FBLN1: variants seen among roughly 807,000 people sequenced by gnomAD.
The protein encoded by FBLN1 is fibulin-1.
In FBLN1, 34 loss-of-function variants were observed where a neutral mutation model predicts 89.7. The observed-to-expected ratio is 0.38, with a 90% CI of 0.29 to 0.50. The LOEUF (loss-of-function observed/expected upper bound fraction) is 0.50, where lower values mean the gene tolerates loss of function less well. Among genes scored for constraint, FBLN1 ranks in the 20% least tolerant of loss-of-function variants. FBLN1 has a pLI of 0.92. For missense variants in FBLN1, 777 were observed against 988.1 expected, an observed-to-expected ratio of 0.79 and a Z score of 2.86; for synonymous variants, 393 against 391.3, an observed-to-expected ratio of 1.00 and a Z score of -0.05.
chr22:45,599,669 G>A (rs889727440), intron 16 of FBLN1, among the ~76,000 whole-genome samples: 1 of 152,158 alleles, frequency 6.6e-6, no homozygotes, highest in African/African-American at 2.4e-5. Flanking sequence ...TGTAATCCCA[G>A]CACTTTGGGA....
intron 14 of FBLN1, among the ~76,000 whole-genome samples, chr22:45,569,217 T>C (rs2088930154): frequency 6.6e-6 from 1 of 152,160 alleles, no homozygotes; most frequent in Non-Finnish European, 1.5e-5. Flanking sequence ...CAAATTCATA[T>C]GTTGAATTCC....
At position 45,534,023 on chromosome 22, in the gene FBLN1, C is replaced by A. The variant is rs2088448135; in HGVS notation, c.784+125C>A. On this transcript the variant is annotated intron_variant, in intron 7 of 16. Coordinates refer to ENST00000327858, the MANE Select transcript of FBLN1 (RefSeq NM_006486.3). ...CCCTCTGTGGCTGCCTGGGCGACTG[C>A]CTGCTCATCTGCAGGAGGGAGGTGG... is the stretch of plus-strand genomic sequence containing the variant. 1.4e-5 allele frequency: 19 copies of A among 1,320,760 alleles called. No homozygotes were observed. The South Asian group carries it at 2.1e-4, about 15-fold the overall frequency. 81.8% of individuals were successfully genotyped at this position (1,320,760 alleles called of 1,614,324 possible). A position where few individuals can be genotyped will look rare whatever the true frequency, so the allele number is the denominator to read the frequency against.
chr22:45,562,548 C>T lies in FBLN1; in HGVS notation c.1697+11933C>T, dbSNP rs1261687204. ...TCACCTCCGAGACACAACCAAGAGC[C>T]CTGCGTAGCCCTGGCCACTGTCTGG... On this transcript the variant is annotated intron_variant, in intron 14 of 16. Transcript: ENST00000327858. This position sits in a 1 kb window ranked among gnomAD's most constrained non-coding sequence, Gnocchi z 7.8. Among the ~76,000 whole-genome samples the T allele has an allele frequency of 6.6e-6, 1 of 152,180 alleles. No homozygotes were observed. Among genetic ancestry groups the T allele is most frequent in the Non-Finnish European group, 1.5e-5 (1 of 68,014 alleles).
At position 45,574,685 on chromosome 22, in the gene FBLN1, C is replaced by G. The variant is rs752972628; in HGVS notation, c.1840+32C>G. ...GGGATGGGTGTGGGGGTCCCAGGGCCCCCTAGGGCCTCCCTCGGCTTCAGC... is the reference window on the plus strand; with the variant it reads ...GGGATGGGTGTGGGGGTCCCAGGGCGCCCTAGGGCCTCCCTCGGCTTCAGC... On this transcript the variant is annotated intron_variant, in intron 15 of 16. Coordinates refer to ENST00000327858, the MANE Select transcript of FBLN1 (RefSeq NM_006486.3). The surrounding 1 kb of genome is among the most constrained non-coding windows in gnomAD (Gnocchi z 4.1). 1 of 1,604,776 alleles carries G rather than the reference C, an allele frequency of 6.2e-7. No individual in the cohort carries two copies. The highest frequency in any genetic ancestry group is 8.5e-7 in the Non-Finnish European group (1 of 1,175,906).
intron 16 of FBLN1, among the ~76,000 whole-genome samples, chr22:45,595,441 C>T (rs1168545725): frequency 6.6e-6 from 1 of 152,186 alleles, no homozygotes; most frequent in Non-Finnish European, 1.5e-5. Context: ...AAAATCCAGG[C>T]CCCGAATCTG....
At chr22:45,544,464 G>A (rs140484511) in intron 11 of FBLN1, among the ~76,000 whole-genome samples, 5 of 152,310 alleles carry the variant, frequency 3.3e-5, no homozygotes, top group Admixed American at 2.0e-4. Context: ...TCCGGATGAC[G>A]ACATTCCCCA....
chr22:45,600,387 G>A lies in FBLN1; in HGVS notation c.2053G>A (p.Val685Met), dbSNP rs150439157. 1.4e-5 allele frequency: 22 copies of A among 1,613,992 alleles called. No individual in the cohort carries two copies. Among genetic ancestry groups the A allele is most frequent in the South Asian group, 5.5e-5 (5 of 91,088 alleles). Residue 685 changes from valine to methionine, a missense_variant, in exon 17 of 17, where the codon GTG becomes ATG. Transcript: ENST00000327858. ...GGAGATGAACTATGTGGTCGGGGGC[G>A]TGGTCTCCCACCGAAATGTTGTCAA... ...KLEMNYVVGG[V>M]VSHRNVVNVH...
rs2088407044 is a variant in FBLN1 at position 45,531,466 on chromosome 22, GCTATGAC to G, written c.544+143_544+149del. ...GCCCAGGAGGTTGTGGCTGCAGTGA[GCTATGAC>G]TGCACCTTTGCACTCTAGCCTGGGC... is the stretch of plus-strand genomic sequence containing the variant. On this transcript the variant is annotated intron_variant, in intron 5 of 16. Coordinates refer to ENST00000327858, the MANE Select transcript of FBLN1 (RefSeq NM_006486.3). This position sits in a 1 kb window ranked among gnomAD's most constrained non-coding sequence, Gnocchi z 4.9. 2.8e-6 allele frequency: 2 copies of G among 723,366 alleles called. No individual in the cohort carries two copies. The highest frequency in any genetic ancestry group is 3.5e-5 in the African/African-American group (2 of 57,666). 44.8% of individuals were successfully genotyped at this position (723,366 alleles called of 1,614,324 possible). A position where few individuals can be genotyped will look rare whatever the true frequency, so the allele number is the denominator to read the frequency against.
chr22:45,548,838 C>T, intron 13 of FBLN1, 94 bp downstream of exon 13: 5 of 1,562,984 alleles, frequency 3.2e-6, no homozygotes, highest in Non-Finnish European at 4.3e-6. Context: ...TGTGCTTCCC[C>T]AACCCAAGGG....
chr22:45,516,836 A>G (rs1028427463), intron 1 of FBLN1, among the ~76,000 whole-genome samples: 2 of 152,346 alleles, frequency 1.3e-5, no homozygotes, highest in Middle Eastern at 3.4e-3. Flanking sequence ...AGCCCTGGGG[A>G]AAAGGGAAAG....
rs957841263 is a variant in FBLN1, at chr22:45,588,870, C to T, written c.1973-11437C>T. On this transcript the variant is annotated intron_variant, in intron 16 of 16. Coordinates refer to ENST00000327858, the MANE Select transcript of FBLN1 (RefSeq NM_006486.3). The surrounding 1 kb of genome is among the most constrained non-coding windows in gnomAD (Gnocchi z 5.1). Reference sequence around the variant, plus strand: ...GAATCTTTTGGCGGCCTCTCCTAACCGTCTTTAAATCTGCGAAAGGATCTC... The same window carrying T: ...GAATCTTTTGGCGGCCTCTCCTAACTGTCTTTAAATCTGCGAAAGGATCTC... Among the ~76,000 whole-genome samples the T allele has an allele frequency of 4.0e-5, 6 of 150,450 alleles. No individual in the cohort carries two copies. Among genetic ancestry groups the T allele is most frequent in the East Asian group, 3.9e-4 (2 of 5,138 alleles).
chr22:45,600,022 C>A (rs2146674806), intron 16 of FBLN1, among the ~76,000 whole-genome samples: 1 of 152,364 alleles, frequency 6.6e-6, no homozygotes, highest in Admixed American at 6.5e-5. Context: ...AGTTTCAAAG[C>A]CCACACCCAC....
At position 45,577,137 on chromosome 22, in the gene FBLN1, C is replaced by T; in HGVS notation, c.1972+29C>T. 6.2e-7 allele frequency: 1 copy of T among 1,612,860 alleles called. No homozygotes were observed. The highest frequency in any genetic ancestry group is 8.5e-7 in the Non-Finnish European group (1 of 1,179,562). On this transcript the variant is annotated intron_variant, in intron 16 of 16. Coordinates refer to ENST00000327858, the MANE Select transcript of FBLN1 (RefSeq NM_006486.3). The surrounding 1 kb of genome is among the most constrained non-coding windows in gnomAD (Gnocchi z 6.6). The stretch of plus-strand genomic sequence containing the variant: ...AGTGGCTGGGAATATCAGCTCTATC[C>T]AGGCACCCCTCCCCCTCCACCCCGA...
In FBLN1 at chr22:45,597,978, C is replaced by T. The variant is rs6007104; in HGVS notation, c.1973-2329C>T. ...ACCAGCCACTCGTACCGAAGGCCTT[C>T]CTGACCCCTCAGTTCTCCCCTGAGC... On this transcript the variant is annotated intron_variant, in intron 16 of 16. Transcript: ENST00000327858. The surrounding 1 kb of genome is among the most constrained non-coding windows in gnomAD (Gnocchi z 4.2). 0.29 allele frequency among the ~76,000 whole-genome samples: 44,400 copies of T among 152,084 alleles called. 9,450 individuals carry two copies. Among genetic ancestry groups the T allele is most frequent in the African/African-American group, 0.6 (25,011 of 41,438 alleles).
Position 45,577,106 on chromosome 22 carries a change from T to C in FBLN1, c.1970T>C (p.Val657Ala). 1.2e-6 allele frequency: 2 copies of C among 1,613,994 alleles called. No individual in the cohort carries two copies. The highest frequency in any genetic ancestry group is 1.7e-6 in the Non-Finnish European group (2 of 1,180,018). Residue 657 changes from valine to alanine, a missense_variant and splice_region_variant, in exon 16 of 17, where the codon GTG becomes GCG. Val to Ala is a moderately conservative substitution (Grantham distance 64). Coordinates refer to ENST00000327858, the MANE Select transcript of FBLN1 (RefSeq NM_006486.3). This position sits in a 1 kb window ranked among gnomAD's most constrained non-coding sequence, Gnocchi z 6.6. ...AAGCGTTACATGGACGGCATGACCG[T>C]GGGTGAGTGGCTGGGAATATCAGCT... ...IIKRYMDGMT[V>A]GVVRQVRPIV...
intron 1 of FBLN1, among the ~76,000 whole-genome samples, chr22:45,513,375 G>A (rs2088127103): frequency 6.8e-6 from 1 of 146,042 alleles, no homozygotes; most frequent in Admixed American, 7.0e-5. Context: ...CATAATCCCT[G>A]CTCACTACAA....
At chr22:45,596,404 T>A (rs2089186358) in intron 16 of FBLN1, among the ~76,000 whole-genome samples, 1 of 152,168 alleles carries the variant, frequency 6.6e-6, no homozygotes, top group South Asian at 2.1e-4. Flanking sequence ...ACCTTCAGTT[T>A]CTCTACATTC....
intron 16 of FBLN1, among the ~76,000 whole-genome samples, chr22:45,593,583 G>A (rs151149685): frequency 8.5e-5 from 13 of 152,190 alleles, no homozygotes; most frequent in Non-Finnish European, 1.9e-4. Context: ...CTGGGGCTTC[G>A]GAAAGGTAGG....
At chr22:45,517,850 G>T (rs759805310) in intron 1 of FBLN1, among the ~76,000 whole-genome samples, 1 of 152,080 alleles carries the variant, frequency 6.6e-6, no homozygotes, top group African/African-American at 2.4e-5. Context: ...TGGTTTTTAG[G>T]CTGGGTGCGG....
Sources: gnomAD v4.1 joint callset for allele counts (sites outside exome capture counted in the v4.1 genomes callset) on GRCh38, gnomAD v4.1.1 for gene constraint, Gnocchi (gnomAD v3.1) non-coding constraint, MANE v1.5 for transcripts, NCBI Gene and HGNC (gene_info 2026-07-23, HGNC 2026-07-21) for gene names.